The following SELENBP1 variants were observed in gnomAD, a reference collection of about 807,000 sequenced individuals.
The protein encoded by SELENBP1 is selenium binding protein 1.
SELENBP1 carries 71 observed loss-of-function variants against 61.0 expected under a neutral mutation model. The ratio of observed to expected loss-of-function variants is 1.16; its 90% CI spans 0.96 to 1.42. SELENBP1 has a LOEUF of 1.42. Ranked by LOEUF, SELENBP1 falls within the 40% of genes most tolerant of loss-of-function variation. SELENBP1 has a pLI of 0.00. For synonymous variants in SELENBP1, 270 were observed against 238.9 expected (o/e 1.13, Z -1.20); for missense variants, 561 against 605.0 (o/e 0.93, Z 0.76).
chr1:151,369,040 G>T lies in SELENBP1; in HGVS notation c.324C>A (p.Asp108Glu). 1 of 1,613,076 alleles carries T rather than the reference G, an allele frequency of 6.2e-7. No homozygotes were observed. The highest frequency in any genetic ancestry group is 8.5e-7 in the Non-Finnish European group (1 of 1,179,156). ...TTGGGGCCCGGGGCTCAGAGCCCAC[G>T]TCCACCACATAGATGCGAGAGGAGA... ...SLISSRIYVV[D>E]VGSEPRAPKL... The change falls in exon 4 of 12, where the codon GAC (aspartate) becomes GAA (glutamate). Residue 108 changes from aspartate to glutamate, a missense_variant. Physicochemically the swap from Asp to Glu is conservative, Grantham distance 45. Transcript: ENST00000368868.
At chr1:151,370,083 AC>A in intron 1 of SELENBP1, 1 of 1,161,388 alleles carries the variant, frequency 8.6e-7, no homozygotes, top group Non-Finnish European at 1.2e-6. Context: ...TCGGGGCCCA[AC>A]CCCAGCCCAC....
At chr1:151,371,395 A>C (rs555352770) in intron 1 of SELENBP1, among the ~76,000 whole-genome samples, 2 of 151,748 alleles carry the variant, frequency 1.3e-5, no homozygotes, top group Admixed American at 1.3e-4. Context: ...CTGGGCAACA[A>C]GAGTGAAATT....
intron 7 of SELENBP1, 105 bp downstream of exon 7, chr1:151,366,170 T>A: frequency 7.3e-7 from 1 of 1,376,020 alleles, no homozygotes; most frequent in Non-Finnish European, 9.9e-7. Flanking sequence ...TGCAGCCTCA[T>A]TTTTTTCGTT....
chr1:151,370,136 C>T, intron 1 of SELENBP1: 1 of 601,212 alleles, frequency 1.7e-6, no homozygotes, highest in South Asian at 4.1e-5. Flanking sequence ...ACTGAAGCTC[C>T]TCGACCTCAA....
rs78635692 is a variant in SELENBP1 at position 151,371,967 on chromosome 1, GGGCATTCTGCCAGCTC to G, written c.4+655_4+670del. 7.6e-4 allele frequency among the ~76,000 whole-genome samples: 116 copies of G among 151,964 alleles called. 1 individual carries two copies. The highest frequency in any genetic ancestry group is 3.4e-3 in the Middle Eastern group (1 of 294). ...GGTTTTCCATGTCAGGCTGGCTGCT[GGGCATTCTGCCAGCTC>G]GGCATTCTGCCAGCTCAAGAGCCAG... On this transcript the variant is annotated intron_variant, in intron 1 of 11. Transcript: ENST00000368868.
At chr1:151,367,025 T>C (rs976539182) in intron 5 of SELENBP1, 121 bp from the exon 6 acceptor site, 2 of 1,486,684 alleles carry the variant, frequency 1.3e-6, no homozygotes, top group Admixed American at 4.7e-5. Context: ...CCTCCACTGC[T>C]GGATTTGCCA....
intron 5 of SELENBP1, among the ~76,000 whole-genome samples, chr1:151,367,840 C>T (rs1400340809): frequency 6.6e-6 from 1 of 152,096 alleles, no homozygotes; most frequent in Non-Finnish European, 1.5e-5. Flanking sequence ...GTATTATCAG[C>T]AGACAACACA....
chr1:151,372,075 C>T (rs1401167227), intron 1 of SELENBP1, among the ~76,000 whole-genome samples: 5 of 152,086 alleles, frequency 3.3e-5, no homozygotes, highest in Non-Finnish European at 5.9e-5. Flanking sequence ...CAGAAGCCTA[C>T]AGATGGAGGA....
rs560887349 is a variant in SELENBP1 at position 151,367,904 on chromosome 1, C to T, written c.481+295G>A. On this transcript the variant is annotated intron_variant, in intron 5 of 11. Coordinates refer to ENST00000368868, the MANE Select transcript of SELENBP1 (RefSeq NM_003944.4). The stretch of plus-strand genomic sequence containing the variant: ...CTGGTTTGGAACTCCTGAGCTCAAG[C>T]GATCCGCTGGCCTCGGCCTCTTGAA... Among the ~76,000 whole-genome samples the T allele has an allele frequency of 6.6e-5, 10 of 152,262 alleles. No individual in the cohort carries two copies. The South Asian group carries it at 1.5e-3, about 22-fold the overall frequency.
intron 3 of SELENBP1, 37 bp downstream of exon 3, chr1:151,369,405 T>C (rs2102098923): frequency 1.3e-6 from 2 of 1,568,952 alleles, no homozygotes; most frequent in South Asian, 2.3e-5. Flanking sequence ...AGGGCAGCTA[T>C]GGTCTCAAAG....
intron 9 of SELENBP1, 90 bp from the exon 10 acceptor site, chr1:151,365,371 C>T: frequency 1.3e-6 from 2 of 1,484,712 alleles, no homozygotes; most frequent in South Asian, 2.3e-5. Context: ...GAACCCCTCT[C>T]TCCTTTCAGA....
intron 3 of SELENBP1, 119 bp downstream of exon 3, chr1:151,369,323 A>C: frequency 7.1e-7 from 1 of 1,412,818 alleles, no homozygotes; most frequent in Non-Finnish European, 9.8e-7. Context: ...TCCCAGGTTG[A>C]GCGTGCACAA....
chr1:151,366,844 C>T lies in SELENBP1; in HGVS notation c.542G>A (p.Gly181Glu), dbSNP rs747025944. The change falls in exon 6 of 12, where the codon GGG (glycine) becomes GAG (glutamate). Residue 181 changes from glycine (G) to glutamate (E), a missense_variant. By Grantham distance (98) the Gly-to-Glu change is moderately conservative. Coordinates refer to ENST00000368868, the MANE Select transcript of SELENBP1 (RefSeq NM_003944.4). ...FEVKGTWERP[G>E]GAAPLGYDFW... Reference sequence around the variant, plus strand: ...GTCATAGCCCAACGGTGCAGCACCCCCAGGTCTCTCCCATGTCCCCTTCAC... The same window carrying T: ...GTCATAGCCCAACGGTGCAGCACCCTCAGGTCTCTCCCATGTCCCCTTCAC... The T allele has an allele frequency of 1.2e-6, 2 of 1,614,152 alleles. No individual in the cohort carries two copies. Among genetic ancestry groups the T allele is most frequent in the South Asian group, 1.1e-5 (1 of 91,078 alleles).
intron 7 of SELENBP1, 91 bp downstream of exon 7, chr1:151,366,184 G>T: frequency 1.4e-6 from 2 of 1,466,370 alleles, no homozygotes; most frequent in African/African-American, 1.4e-5. Context: ...TTTCGTTCCT[G>T]GAGACGCCTG....
chr1:151,364,658 C>T lies in SELENBP1; in HGVS notation c.1304G>A (p.Gly435Glu). ...LQVDVDTVKG[G>E]LKLNPNFLVD... ...CAGGAAGTTGGGGTTCAACTTCAGC[C>T]CTCCTTTTACTGTGTCTACATCAAC... The change falls in exon 12 of 12, where the codon GGG (glycine) becomes GAG (glutamate). Residue 435 changes from glycine (G) to glutamate (E), a missense_variant. Coordinates refer to ENST00000368868, the MANE Select transcript of SELENBP1 (RefSeq NM_003944.4). The T allele has an allele frequency of 6.2e-7, 1 of 1,611,126 alleles. No individual in the cohort carries two copies.
At chr1:151,365,145 G>A (rs1450322108) in intron 10 of SELENBP1, 44 bp downstream of exon 10, 1 of 1,590,144 alleles carries the variant, frequency 6.3e-7, no homozygotes, top group Non-Finnish European at 8.6e-7. Context: ...TATTCCTCAA[G>A]CATGGGTCTG....
rs537023335 is a variant in SELENBP1, at chr1:151,369,371, AG to A, written c.174+70del. On this transcript the variant is annotated intron_variant, in intron 3 of 11. Transcript: ENST00000368868. ...AGGGCCAAGAAGGATGGAGCTGGGAAGGGGGGGCCCAGGGCCAGGGATGAGG... is the reference window on the plus strand; with the variant it reads ...AGGGCCAAGAAGGATGGAGCTGGGAAGGGGGGCCCAGGGCCAGGGATGAGG... 8.7e-5 allele frequency: 128 copies of A among 1,473,554 alleles called. No homozygotes were observed. In the East Asian group the frequency reaches 1.9e-3, roughly 21 times the overall value. The allele number at this position is 1,473,554 out of a possible 1,614,324, so 91.3% of individuals were successfully genotyped here. A position where few individuals can be genotyped will look rare whatever the true frequency, so the allele number is the denominator to read the frequency against.
In SELENBP1 at chr1:151,365,682, G is replaced by A. The variant is rs765409860; in HGVS notation, c.925C>T (p.Leu309=). ...AGGGAGAGCAGGATGTCGGTGATCA[G>A]GCCTGTGGGCAGGGGGCGAGTAGAG... ...KGWLLPEMPG[L]ITDILLSLDD... The change falls in exon 9 of 12, where the codon CTG becomes TTG. Residue 309 remains leucine, a splice_region_variant and synonymous_variant. Coordinates refer to ENST00000368868, the MANE Select transcript of SELENBP1 (RefSeq NM_003944.4). 2 of 1,614,182 alleles carry A rather than the reference G, an allele frequency of 1.2e-6. No individual in the cohort carries two copies. The highest frequency in any genetic ancestry group is 1.1e-5 in the South Asian group (1 of 91,076).
Position 151,366,775 on chromosome 1 carries a change from C to T in SELENBP1, c.611G>A (p.Trp204Ter). Residue 204 changes from tryptophan (W) to a stop codon, truncating the protein, a stop_gained, in exon 6 of 12, where the codon TGG (tryptophan) becomes TAG (stop). Coordinates refer to ENST00000368868, the MANE Select transcript of SELENBP1 (RefSeq NM_003944.4). LOFTEE classifies it high-confidence loss of function. ...ATCTCGTAAGACATTGGGAGCTGCCCACTCAGTGCTGATCATGACATTGTG... is the reference window on the plus strand; with the variant it reads ...ATCTCGTAAGACATTGGGAGCTGCCTACTCAGTGCTGATCATGACATTGTG... ...PRHNVMISTE[W>*]AAPNVLRDGF... is the part of the protein sequence containing the mutation. 2 of 1,614,092 alleles carry T rather than the reference C, an allele frequency of 1.2e-6. No homozygotes were observed. The highest frequency in any genetic ancestry group is 1.7e-6 in the Non-Finnish European group (2 of 1,180,012).
Sources: gnomAD v4.1 joint callset for allele counts (sites outside exome capture counted in the v4.1 genomes callset) on GRCh38, gnomAD v4.1.1 for gene constraint, MANE v1.5 for transcripts, NCBI Gene and HGNC (gene_info 2026-07-23, HGNC 2026-07-21) for gene names.